Variants in ADGRB2 observed in about 807,000 individuals in gnomAD.
ADGRB2 encodes the protein adhesion G protein-coupled receptor B2.
Under a neutral mutation model 178.7 loss-of-function variants are expected in ADGRB2, and 47 were observed. The observed-to-expected ratio is 0.26, with a 90% CI of 0.21 to 0.34. The LOEUF is 0.34. Among genes scored for constraint, ADGRB2 ranks in the 10% least tolerant of loss-of-function variants. The probability of loss-of-function intolerance (pLI) is 1.00; values close to 1 mark genes in which losing one functional copy is unlikely to be tolerated. For missense variants in ADGRB2, 1,584 were observed against 2,180.8 expected, an observed-to-expected ratio of 0.73 and a Z score of 5.45; for synonymous variants, 870 against 912.4, an observed-to-expected ratio of 0.95 and a Z score of 0.84.
chr1:31,742,968 G>T lies in ADGRB2; in HGVS notation c.1122C>A (p.Ser374Arg). 1 of 1,532,280 alleles carries T rather than the reference G, an allele frequency of 6.5e-7. No homozygotes were observed. The highest frequency in any genetic ancestry group is 1.2e-5 in the South Asian group (1 of 82,588). The allele number at this position is 1,532,280 out of a possible 1,614,324, so 94.9% of individuals were successfully genotyped here. Residue 374 changes from serine (S) to arginine (R), a missense_variant, in exon 7 of 33, where the codon AGC becomes AGA. Transcript: ENST00000373658. The stretch of plus-strand genomic sequence containing the variant: ...CCCGCCCGCAGCTGCGGGAGCACAG[G>T]CTCCAGGACCCCCACTCCTCCCACA... ...HGVWEEWGSWSLCSRSCGRGS... is the reference protein window; with the variant it reads ...HGVWEEWGSWRLCSRSCGRGS...
chr1:31,742,242 G>T (rs1486791154), intron 7 of ADGRB2, 25 bp from the exon 8 acceptor site: 1 of 1,575,138 alleles, frequency 6.3e-7, no homozygotes, highest in South Asian at 1.2e-5. Context: ...ACAAGCAGGG[G>T]TGGCTGTTGA....
chr1:31,746,489 T>C (rs1469777400), intron 4 of ADGRB2, among the ~76,000 whole-genome samples: 4 of 152,078 alleles, frequency 2.6e-5, no homozygotes, highest in African/African-American at 9.7e-5. Context: ...CCCAGGCTGC[T>C]GAAGAAATCT....
chr1:31,730,939 G>T lies in ADGRB2; in HGVS notation c.4241C>A (p.Ser1414Tyr), dbSNP rs965355719. Residue 1414 changes from serine to tyrosine, a missense_variant, in exon 29 of 33, where the codon TCT (serine) becomes TAT (tyrosine). By Grantham distance (144) the Ser-to-Tyr change is moderately radical. Coordinates refer to ENST00000373658, the MANE Select transcript of ADGRB2 (RefSeq NM_001364857.2). ...GGTCATTCCATAGGGATTCTGGAGA[G>T]ATCCATAGGCAGGGCCCAGCCCCAG... The part of the protein sequence containing the change: ...SGLGLGPAYG[S>Y]LQNPYGMTFQ... The T allele has an allele frequency of 6.3e-7, 1 of 1,575,746 alleles. No individual in the cohort carries two copies.
At position 31,739,620 on chromosome 1, in the gene ADGRB2, C is replaced by A; in HGVS notation, c.2183G>T (p.Arg728Leu). Residue 728 changes from arginine to leucine, a missense_variant, in exon 15 of 33, where the codon CGA becomes CTA. Physicochemically the swap from Arg to Leu is moderately radical, Grantham distance 102. This residue lies in a region of ADGRB2 where 865 missense variants were observed against 1,192.8 expected (regional missense o/e 0.73). Transcript: ENST00000373658. Reference protein sequence around the residue: ...VTDNLVISIQREPVSAVSSDI... With the variant: ...VTDNLVISIQLEPVSAVSSDI... Reference sequence around the variant, plus strand: ...ACTGGACACAGCTGAGACGGGCTCTCGCTGAATGCTGATCACTGCAGTGGG... The same window carrying A: ...ACTGGACACAGCTGAGACGGGCTCTAGCTGAATGCTGATCACTGCAGTGGG... 6.3e-7 allele frequency: 1 copy of A among 1,590,566 alleles called. No individual in the cohort carries two copies. Among genetic ancestry groups the A allele is most frequent in the Middle Eastern group, 1.7e-4 (1 of 5,978 alleles).
At chr1:31,752,674 G>C (rs954953595) in intron 4 of ADGRB2, among the ~76,000 whole-genome samples, 1 of 152,164 alleles carries the variant, frequency 6.6e-6, no homozygotes, top group South Asian at 2.1e-4. Context: ...TCGAAAGAAG[G>C]CTCAAAAGCA....
At chr1:31,730,698 T>A in intron 29 of ADGRB2, 102 bp downstream of exon 29, 1 of 1,372,182 alleles carries the variant, frequency 7.3e-7, no homozygotes, top group African/African-American at 1.5e-5. Context: ...CCAGTGACTT[T>A]TACGAGAGGC....
rs1245018137 is a variant in ADGRB2, at chr1:31,761,544, C to T, written c.-191+2340G>A. Among the ~76,000 whole-genome samples, 1 of 152,192 alleles carries T rather than the reference C, an allele frequency of 6.6e-6. No homozygotes were observed. The highest frequency in any genetic ancestry group is 1.5e-5 in the Non-Finnish European group (1 of 68,028). ...CAGCCTCTACACTTGAACCAAGACC[C>T]CAGAGACCATGGCCTGGCTTTCACT... On this transcript the variant is annotated intron_variant, in intron 1 of 32. Coordinates refer to ENST00000373658, the MANE Select transcript of ADGRB2 (RefSeq NM_001364857.2). The surrounding 1 kb of genome is among the most constrained non-coding windows in gnomAD (Gnocchi z 4.2).
At position 31,740,893 on chromosome 1, in the gene ADGRB2, G is replaced by GTGCACACACACA. The variant is rs1553185142; in HGVS notation, c.1795-353_1795-352insTGTGTGTGTGCA. Among the ~76,000 whole-genome samples the GTGCACACACACA allele has an allele frequency of 5.9e-5, 2 of 33,714 alleles. No homozygotes were observed. The highest frequency in any genetic ancestry group is 2.2e-3 in the South Asian group (1 of 462). The allele number at this position is 33,714 out of a possible 152,430, so 22.1% of individuals were successfully genotyped here. A position where few individuals can be genotyped will look rare whatever the true frequency, so the allele number is the denominator to read the frequency against. The stretch of plus-strand genomic sequence containing the variant: ...GTAATGAGCATGTGTGTGGGCGCGC[G>GTGCACACACACA]CGCACACACACACACACACACACAC... On this transcript the variant is annotated intron_variant, in intron 11 of 32. Transcript: ENST00000373658. The surrounding 1 kb of genome is among the most constrained non-coding windows in gnomAD (Gnocchi z 5.9).
chr1:31,735,664 A>G lies in ADGRB2; in HGVS notation c.3269T>C (p.Val1090Ala). 2.5e-6 allele frequency: 4 copies of G among 1,595,376 alleles called. No homozygotes were observed. Among genetic ancestry groups the G allele is most frequent in the Non-Finnish European group, 3.4e-6 (4 of 1,167,494 alleles). Residue 1090 changes from valine to alanine, a missense_variant and splice_region_variant, in exon 24 of 33, where the codon GTG (valine) becomes GCG (alanine). Transcript: ENST00000373658. This position sits in a 1 kb window ranked among gnomAD's most constrained non-coding sequence, Gnocchi z 6.0. The stretch of plus-strand genomic sequence containing the variant: ...GACGATGATTCCGATGAGCATGTTC[A>G]CCTGGGGGCCCAGTAGAGTGGAGTG... ...FVGPAAVIVL[V>A]NMLIGIIVFN...
chr1:31,758,669 G>A lies in ADGRB2; in HGVS notation c.-190-1158C>T, dbSNP rs1485071245. The A allele has an allele frequency of 6.4e-6, 1 of 155,496 alleles. No individual in the cohort carries two copies. Among genetic ancestry groups the A allele is most frequent in the Non-Finnish European group, 1.5e-5 (1 of 68,728 alleles). 9.6% of individuals were successfully genotyped at this position (155,496 alleles called of 1,614,324 possible). A position where few individuals can be genotyped will look rare whatever the true frequency, so the allele number is the denominator to read the frequency against. On this transcript the variant is annotated intron_variant, in intron 1 of 32. Coordinates refer to ENST00000373658, the MANE Select transcript of ADGRB2 (RefSeq NM_001364857.2). The surrounding 1 kb of genome is among the most constrained non-coding windows in gnomAD (Gnocchi z 4.2). ...CCCTCCCAGCCATACAGGGGCTGGGGGAGATGGTGGAGTAGCTCCAGGCAG... is the reference window on the plus strand; with the variant it reads ...CCCTCCCAGCCATACAGGGGCTGGGAGAGATGGTGGAGTAGCTCCAGGCAG...
In ADGRB2 at chr1:31,740,612, C is replaced by A. The variant is rs968613178; in HGVS notation, c.1795-71G>T. 1 of 1,441,352 alleles carries A rather than the reference C, an allele frequency of 6.9e-7. No individual in the cohort carries two copies. Among genetic ancestry groups the A allele is most frequent in the African/African-American group, 1.4e-5 (1 of 69,950 alleles). The allele number at this position is 1,441,352 out of a possible 1,614,324, so 89.3% of individuals were successfully genotyped here. ...GAACCAGACCCTGGCCCATCCCACT[C>A]CAGTCCACCCACTGCTTGCATCCAC... On this transcript the variant is annotated intron_variant, in intron 11 of 32. Coordinates refer to ENST00000373658, the MANE Select transcript of ADGRB2 (RefSeq NM_001364857.2). This position sits in a 1 kb window ranked among gnomAD's most constrained non-coding sequence, Gnocchi z 5.9.
At position 31,738,236 on chromosome 1, in the gene ADGRB2, G is replaced by A. The variant is rs771568002; in HGVS notation, c.2736C>T (p.Ser912=). Residue 912 remains serine, a synonymous_variant, in exon 18 of 33, where the codon TCC becomes TCT. Transcript: ENST00000373658. ...AHTRCQCQHL[S]TFAVLAQPPK... The stretch of plus-strand genomic sequence containing the variant: ...GCGGCTGGGCTAGTACAGCAAAGGT[G>A]GACAGGTGCTGGCACTGGCAGCGGG... 6.2e-6 allele frequency: 10 copies of A among 1,614,026 alleles called. No homozygotes were observed. In the South Asian group the frequency reaches 8.8e-5, roughly 14 times the overall value.
chr1:31,742,953 G>A lies in ADGRB2; in HGVS notation c.1137C>T (p.Ser379=). The change falls in exon 7 of 33, where the codon AGC becomes AGT. Residue 379 remains serine, a synonymous_variant. Transcript: ENST00000373658. ...TCCGGCTCCGGGACCCCCGCCCGCA[G>A]CTGCGGGAGCACAGGCTCCAGGACC... ...EWGSWSLCSR[S]CGRGSRSRMR... 2.6e-6 allele frequency: 4 copies of A among 1,537,636 alleles called. No homozygotes were observed. Among genetic ancestry groups the A allele is most frequent in the Non-Finnish European group, 3.5e-6 (4 of 1,141,848 alleles).
In ADGRB2 at chr1:31,728,361, G is replaced by GC. The variant is rs1645103351; in HGVS notation, c.4417-82dup. On this transcript the variant is annotated intron_variant, in intron 30 of 32. Coordinates refer to ENST00000373658, the MANE Select transcript of ADGRB2 (RefSeq NM_001364857.2). The surrounding 1 kb of genome is among the most constrained non-coding windows in gnomAD (Gnocchi z 6.7). ...CTACCCAGGGCACTCAGCACCCCAA[G>GC]CCCCCCACATCCCTCCCTGCTGCCA... 6.9e-7 allele frequency: 1 copy of GC among 1,447,878 alleles called. No homozygotes were observed. The highest frequency in any genetic ancestry group is 9.6e-7 in the Non-Finnish European group (1 of 1,045,208). 89.7% of individuals were successfully genotyped at this position (1,447,878 alleles called of 1,614,324 possible).
chr1:31,745,622 A>G (rs2148987938), intron 4 of ADGRB2, among the ~76,000 whole-genome samples: 1 of 152,364 alleles, frequency 6.6e-6, no homozygotes, highest in Admixed American at 6.5e-5. Flanking sequence ...GGAAAGGCCC[A>G]GCAGCCTCTG....
intron 1 of ADGRB2, 102 bp downstream of exon 1, chr1:31,763,782 G>A (rs1315502017): frequency 1.0e-6 from 1 of 984,334 alleles, no homozygotes; most frequent in Non-Finnish European, 1.2e-6. Context: ...CAGCAGAGAC[G>A]GGTTAGGAGA....
Position 31,731,061 on chromosome 1 carries a change from G to C in ADGRB2, c.4119C>G (p.Ala1373=). The C allele has an allele frequency of 1.3e-6, 2 of 1,582,326 alleles. No individual in the cohort carries two copies. The highest frequency in any genetic ancestry group is 8.6e-7 in the Non-Finnish European group (1 of 1,163,638). The change falls in exon 29 of 33, where the codon GCC becomes GCG. Residue 1373 remains alanine (A), a synonymous_variant. Transcript: ENST00000373658. ...PGGGGGGGED[A]PRARPEGTPR... is the part of the protein sequence containing the mutation. Reference sequence around the variant, plus strand: ...GGGTCCCCTCCGGCCGGGCCCTGGGGGCATCCTCACCACCTCCACCCCCAC... The same window carrying C: ...GGGTCCCCTCCGGCCGGGCCCTGGGCGCATCCTCACCACCTCCACCCCCAC...
intron 1 of ADGRB2, among the ~76,000 whole-genome samples, chr1:31,763,174 G>A (rs1385371838): frequency 6.6e-6 from 1 of 152,026 alleles, no homozygotes; most frequent in African/African-American, 2.4e-5. Context: ...GGTCCAGTCG[G>A]GATCTCAGCT....
chr1:31,741,777 C>T lies in ADGRB2; in HGVS notation c.1585+23G>A, dbSNP rs1645984418. ...TGGGTCCACACATGGGGCCCCCAGCCCCCAGGGTCATTAGGGCAGTACCTG... is the reference window on the plus strand; with the variant it reads ...TGGGTCCACACATGGGGCCCCCAGCTCCCAGGGTCATTAGGGCAGTACCTG... On this transcript the variant is annotated intron_variant, in intron 9 of 32. Transcript: ENST00000373658. The surrounding 1 kb of genome is among the most constrained non-coding windows in gnomAD (Gnocchi z 6.5). The T allele has an allele frequency of 6.3e-6, 10 of 1,597,636 alleles. No individual in the cohort carries two copies. The East Asian group carries it at 2.2e-4, about 36-fold the overall frequency.
Sources: gnomAD v4.1 joint callset for allele counts (sites outside exome capture counted in the v4.1 genomes callset) on GRCh38, gnomAD v4.1.1 for gene constraint, gnomAD v4.1.1 regional missense constraint, Gnocchi (gnomAD v3.1) non-coding constraint, MANE v1.5 for transcripts, NCBI Gene and HGNC (gene_info 2026-07-23, HGNC 2026-07-21) for gene names.